The following NECTIN3 variants were observed in gnomAD, a reference collection of about 807,000 sequenced individuals.
The protein encoded by NECTIN3 is nectin cell adhesion molecule 3.
In NECTIN3, 8 loss-of-function variants were observed where a neutral mutation model predicts 49.4. The ratio of observed to expected loss-of-function variants is 0.16; its 90% CI spans 0.10 to 0.29. The LOEUF is 0.29. Among genes scored for constraint, NECTIN3 ranks in the 10% least tolerant of loss-of-function variants. NECTIN3 has a pLI of 1.00. For synonymous variants in NECTIN3, 277 were observed against 241.1 expected (o/e 1.15, Z -1.38); for missense variants, 581 against 654.6 (o/e 0.89, Z 1.23).
intron 1 of NECTIN3, among the ~76,000 whole-genome samples, chr3:111,085,130 A>T (rs917104168): frequency 6.6e-6 from 1 of 152,252 alleles, no homozygotes; most frequent in South Asian, 2.1e-4. Context: ...CAAAAGTCAT[A>T]TCGGATTAAG....
chr3:111,166,268 G>A (rs962077109), intron 7 of NECTIN3, among the ~76,000 whole-genome samples: 9 of 152,088 alleles, frequency 5.9e-5, no homozygotes, highest in African/African-American at 1.7e-4. Flanking sequence ...GCTCAAGCAC[G>A]TCACATAACT....
intron 1 of NECTIN3, among the ~76,000 whole-genome samples, chr3:111,099,061 G>A (rs866987255): frequency 3.3e-5 from 5 of 151,890 alleles, no homozygotes; most frequent in Middle Eastern, 3.4e-3. Flanking sequence ...TTCTGTTGCT[G>A]TGAGCCTGTT....
intron 1 of NECTIN3, among the ~76,000 whole-genome samples, chr3:111,099,703 T>C (rs559726724): frequency 4.3e-4 from 65 of 152,282 alleles, no homozygotes; most frequent in Middle Eastern, 3.4e-3. Flanking sequence ...AAAGTCTAAC[T>C]ATGGATCAGT....
intron 1 of NECTIN3, among the ~76,000 whole-genome samples, chr3:111,109,895 A>G (rs1297572809): frequency 6.6e-6 from 1 of 152,044 alleles, no homozygotes; most frequent in Non-Finnish European, 1.5e-5. Context: ...CTACCTAGGA[A>G]TATGGCATAG....
intron 1 of NECTIN3, among the ~76,000 whole-genome samples, chr3:111,101,685 T>A (rs369405441): frequency 3.3e-5 from 5 of 152,288 alleles, no homozygotes; most frequent in African/African-American, 1.2e-4. Context: ...GGAAATTGAG[T>A]ACTTGAAATA....
chr3:111,136,599 C>A lies in NECTIN3; in HGVS notation c.*2384C>A. 1 of 926,364 alleles carries A rather than the reference C, an allele frequency of 1.1e-6. No homozygotes were observed. Among genetic ancestry groups the A allele is most frequent in the Non-Finnish European group, 1.3e-6 (1 of 776,524 alleles). 57.4% of individuals were successfully genotyped at this position (926,364 alleles called of 1,614,324 possible). A position where few individuals can be genotyped will look rare whatever the true frequency, so the allele number is the denominator to read the frequency against. On this transcript the variant is annotated 3_prime_UTR_variant, in exon 6 of 6. Transcript: ENST00000485303. ...AACATGAATAGTCATTAAATAAAGA[C>A]ATTGTTAAATTAGTTTTTGAATACC...
chr3:111,170,731 T>C (rs976114452), intron 7 of NECTIN3, among the ~76,000 whole-genome samples: 1 of 151,710 alleles, frequency 6.6e-6, no homozygotes, highest in Non-Finnish European at 1.5e-5. Flanking sequence ...ACCTGGGAGG[T>C]AGTGGAGGAT....
intron 5 of NECTIN3, among the ~76,000 whole-genome samples, chr3:111,143,127 A>G (rs2034790571): frequency 6.6e-6 from 1 of 151,894 alleles, no homozygotes; most frequent in Non-Finnish European, 1.5e-5. Context: ...GAAAAGGATA[A>G]TATAGATTAT....
chr3:111,166,063 C>T (rs74515973), intron 7 of NECTIN3, among the ~76,000 whole-genome samples: 1 of 152,300 alleles, frequency 6.6e-6, no homozygotes, highest in African/African-American at 2.4e-5. Context: ...TTGATTGCTA[C>T]ATGCCCGAGG....
intron 7 of NECTIN3, among the ~76,000 whole-genome samples, chr3:111,148,791 A>G (rs938575097): frequency 6.6e-6 from 1 of 151,902 alleles, no homozygotes; most frequent in South Asian, 2.1e-4. Flanking sequence ...GTGGATAGTA[A>G]TCTTTTGTAT....
chr3:111,096,837 T>G (rs1263527918), intron 1 of NECTIN3, among the ~76,000 whole-genome samples: 1 of 152,216 alleles, frequency 6.6e-6, no homozygotes, highest in Non-Finnish European at 1.5e-5. Context: ...TGGAAAGGCC[T>G]GGATGCCCAG....
intron 1 of NECTIN3, among the ~76,000 whole-genome samples, chr3:111,076,596 G>C (rs960468075): frequency 1.4e-4 from 22 of 151,966 alleles, no homozygotes; most frequent in African/African-American, 4.1e-4. Context: ...TGTTGAATCT[G>C]TATTCTTTAC....
intron 1 of NECTIN3, among the ~76,000 whole-genome samples, chr3:111,080,563 A>T (rs149404239): frequency 3.2e-4 from 49 of 152,162 alleles, no homozygotes; most frequent in African/African-American, 1.1e-3. Flanking sequence ...CCATTCAGAT[A>T]CTTAGAATAC....
At chr3:111,091,175 C>G (rs1199381909) in intron 1 of NECTIN3, among the ~76,000 whole-genome samples, 1 of 152,132 alleles carries the variant, frequency 6.6e-6, no homozygotes, top group Non-Finnish European at 1.5e-5. Flanking sequence ...TAATTTACTT[C>G]TTTGTCTTTA....
intron 7 of NECTIN3, among the ~76,000 whole-genome samples, chr3:111,149,652 A>G (rs2034958477): frequency 6.6e-6 from 1 of 152,012 alleles, no homozygotes; most frequent in African/African-American, 2.4e-5. Context: ...GTTTAAAAAT[A>G]TGAATCTTAT....
chr3:111,095,449 G>C (rs1313243735), intron 1 of NECTIN3, among the ~76,000 whole-genome samples: 1 of 152,196 alleles, frequency 6.6e-6, no homozygotes, highest in Non-Finnish European at 1.5e-5. Flanking sequence ...GTCTACCTTT[G>C]ATCAGCTTCT....
chr3:111,124,513 C>T (rs575315441), intron 4 of NECTIN3, among the ~76,000 whole-genome samples: 1 of 152,122 alleles, frequency 6.6e-6, no homozygotes, highest in South Asian at 2.1e-4. Flanking sequence ...TCATTGTTAT[C>T]CTTGTAGAAA....
downstream of NECTIN3, among the ~76,000 whole-genome samples, chr3:111,140,321 T>G (rs2034710530): frequency 6.6e-6 from 1 of 151,904 alleles, no homozygotes; most frequent in Non-Finnish European, 1.5e-5. Context: ...TGAGTAAATG[T>G]AAATATATTT....
intron 3 of NECTIN3, among the ~76,000 whole-genome samples, chr3:111,120,166 A>C (rs773654222): frequency 1.3e-5 from 2 of 152,024 alleles, no homozygotes. Context: ...TCAGATCCCA[A>C]TTGGAAGTTA....
Sources: gnomAD v4.1 joint callset for allele counts (sites outside exome capture counted in the v4.1 genomes callset) on GRCh38, gnomAD v4.1.1 for gene constraint, MANE v1.5 for transcripts, NCBI Gene and HGNC (gene_info 2026-07-23, HGNC 2026-07-21) for gene names.